MFHAS1: variants seen among roughly 807,000 people sequenced by gnomAD.
MFHAS1 encodes the protein multifunctional ROCO family signaling regulator 1.
MFHAS1 carries 50 observed loss-of-function variants against 70.4 expected under a neutral mutation model. The observed-to-expected ratio is 0.71, with a 90% confidence interval of 0.57 to 0.90. The LOEUF (loss-of-function observed/expected upper bound fraction) is 0.90. MFHAS1 is among the 40% of genes least tolerant of loss of function. The pLI, the probability that MFHAS1 is intolerant of heterozygous loss-of-function variation, is 0.00. For missense variants in MFHAS1, 1,795 were observed against 1,347.6 expected (o/e 1.33, Z -5.20); for synonymous variants, 952 against 620.0 (o/e 1.54, Z -7.96).
chr8:8,803,253 G>A (rs147808075), intron 1 of MFHAS1, among the ~76,000 whole-genome samples: 1 of 152,116 alleles, frequency 6.6e-6, no homozygotes, highest in Admixed American at 6.5e-5. Context: ...GCTCATGCCT[G>A]TAATACCAGC....
At chr8:8,888,000 C>T (rs1809837276) in intron 1 of MFHAS1, among the ~76,000 whole-genome samples, 1 of 152,072 alleles carries the variant, frequency 6.6e-6, no homozygotes, top group Non-Finnish European at 1.5e-5. Context: ...AGAATGGCTT[C>T]AGGTTGCTCC....
At chr8:8,829,247 G>A (rs537659981) in intron 1 of MFHAS1, among the ~76,000 whole-genome samples, 20 of 152,292 alleles carry the variant, frequency 1.3e-4, no homozygotes, top group Middle Eastern at 3.4e-3. Context: ...AACTCAGTAT[G>A]TGTACCGGGC....
rs117436483 is a variant in MFHAS1 at position 8,790,875 on chromosome 8, G to A, written c.3126-4820C>T. ...GTCTTAAATGTCTTTATGTCAAAAC[G>A]ATGTTACTGCCAAAATTCCTGTGCA... On this transcript the variant is annotated intron_variant, in intron 2 of 2. Transcript: ENST00000276282. 8.6e-3 allele frequency among the ~76,000 whole-genome samples: 1,304 copies of A among 152,262 alleles called. 7 individuals are homozygous for A. Among genetic ancestry groups the A allele is most frequent in the South Asian group, 0.015 (70 of 4,826 alleles).
At chr8:8,882,445 C>T (rs987719836) in intron 1 of MFHAS1, among the ~76,000 whole-genome samples, 1 of 151,562 alleles carries the variant, frequency 6.6e-6, no homozygotes, top group South Asian at 2.1e-4. Flanking sequence ...AAAGCACTTG[C>T]CAGGCATCAA....
rs10660555 is a variant in MFHAS1, at chr8:8,884,041, AACACAC to A, written c.2998+6014_2998+6019del. The stretch of plus-strand genomic sequence containing the variant: ...AAAAAGGCCCTATCTCTATTTCACA[AACACAC>A]ACACACACACACACACACACACACA... On this transcript the variant is annotated intron_variant, in intron 1 of 2. Coordinates refer to ENST00000276282, the MANE Select transcript of MFHAS1 (RefSeq NM_004225.3). Among the ~76,000 whole-genome samples, 118 of 134,170 alleles carry A rather than the reference AACACAC, an allele frequency of 8.8e-4. 1 individual carries two copies. Among genetic ancestry groups the A allele is most frequent in the South Asian group, 5.4e-3 (21 of 3,868 alleles). 88.0% of individuals were successfully genotyped at this position (134,170 alleles called of 152,430 possible).
Position 8,892,004 on chromosome 8 carries a change from T to C in MFHAS1, c.1055A>G (p.Asn352Ser). ...GTGGTCGGGCAGCACCGCGATCTGG[T>C]TCCCCTGCAGCACGAGCTCCTCCAG... ...TGLEELVLQG[N>S]QIAVLPDHFG... The change falls in exon 1 of 3, where the codon AAC (asparagine) becomes AGC (serine). Residue 352 changes from asparagine (N) to serine (S), a missense_variant. Coordinates refer to ENST00000276282, the MANE Select transcript of MFHAS1 (RefSeq NM_004225.3). The surrounding 1 kb of genome is among the most constrained non-coding windows in gnomAD (Gnocchi z 4.7). The C allele has an allele frequency of 6.2e-7, 1 of 1,613,472 alleles. No individual in the cohort carries two copies. The highest frequency in any genetic ancestry group is 8.5e-7 in the Non-Finnish European group (1 of 1,179,964).
intron 1 of MFHAS1, among the ~76,000 whole-genome samples, chr8:8,884,013 C>T (rs1809645119): frequency 6.9e-6 from 1 of 145,040 alleles, no homozygotes; most frequent in Non-Finnish European, 1.5e-5. Flanking sequence ...GCTTGGGCAA[C>T]ATAAAAAGGC....
chr8:8,854,299 A>C (rs1808350662), intron 1 of MFHAS1, among the ~76,000 whole-genome samples: 1 of 152,022 alleles, frequency 6.6e-6, no homozygotes, highest in South Asian at 2.1e-4. Flanking sequence ...TTGGGAGGTC[A>C]AGAAGAGGTC....
intron 1 of MFHAS1, among the ~76,000 whole-genome samples, chr8:8,884,442 G>A (rs1809671197): frequency 1.3e-5 from 2 of 152,164 alleles, no homozygotes; most frequent in East Asian, 1.9e-4. Flanking sequence ...ACTAGGTCAT[G>A]CTCAAATTCC....
At position 8,785,027 on chromosome 8, in the gene MFHAS1, C is replaced by A. The variant is rs779098558; in HGVS notation, c.*995G>T. 2.0e-5 allele frequency: 3 copies of A among 152,118 alleles called. No individual in the cohort carries two copies. The highest frequency in any genetic ancestry group is 2.9e-5 in the Non-Finnish European group (2 of 68,024). 9.4% of individuals were successfully genotyped at this position (152,118 alleles called of 1,614,324 possible). On this transcript the variant is annotated 3_prime_UTR_variant, in exon 3 of 3. Coordinates refer to ENST00000276282, the MANE Select transcript of MFHAS1 (RefSeq NM_004225.3). ...CTGACAGCCAGATGTGGAAGGTCTA[C>A]AAAGAGCTCTGCTAATAAGTAATAT...
At chr8:8,888,432 C>A (rs1809853785) in intron 1 of MFHAS1, among the ~76,000 whole-genome samples, 1 of 151,988 alleles carries the variant, frequency 6.6e-6, no homozygotes, top group South Asian at 2.1e-4. Context: ...GAGAAACGTG[C>A]AAGGATGCTA....
At chr8:8,789,201 T>C (rs1166786072) in intron 2 of MFHAS1, among the ~76,000 whole-genome samples, 2 of 152,164 alleles carry the variant, frequency 1.3e-5, no homozygotes, top group South Asian at 2.1e-4. Context: ...AATTCATTCA[T>C]GTCACGACAC....
chr8:8,810,583 C>G (rs976010565), intron 1 of MFHAS1, among the ~76,000 whole-genome samples: 3 of 152,176 alleles, frequency 2.0e-5, no homozygotes, highest in Non-Finnish European at 4.4e-5. Context: ...AATACATTTT[C>G]TCTTCCTATG....
intron 2 of MFHAS1, among the ~76,000 whole-genome samples, chr8:8,796,349 C>T (rs1009545238): frequency 6.6e-6 from 1 of 152,184 alleles, no homozygotes; most frequent in Admixed American, 6.5e-5. Context: ...TGGGCCTGCG[C>T]TGGTTTTTGA....
chr8:8,857,860 G>C (rs971224740), intron 1 of MFHAS1, among the ~76,000 whole-genome samples: 1 of 152,104 alleles, frequency 6.6e-6, no homozygotes, highest in East Asian at 1.9e-4. Context: ...CCTAAAGCAA[G>C]TTTCCCTGTA....
intron 2 of MFHAS1, among the ~76,000 whole-genome samples, chr8:8,789,120 C>CG (rs1181594751): frequency 6.8e-6 from 1 of 148,140 alleles, no homozygotes; most frequent in Non-Finnish European, 1.5e-5. Flanking sequence ...TTGGCAGAGA[C>CG]GGGGGAAGTG....
intron 2 of MFHAS1, among the ~76,000 whole-genome samples, chr8:8,790,929 TACAAAC>T (rs1805698968): frequency 6.6e-6 from 1 of 152,192 alleles, no homozygotes; most frequent in Admixed American, 6.5e-5. Context: ...TGAGAATACT[TACAAAC>T]AGCTAGCAAG....
At chr8:8,788,183 T>C (rs1805616123) in intron 2 of MFHAS1, among the ~76,000 whole-genome samples, 1 of 152,218 alleles carries the variant, frequency 6.6e-6, no homozygotes, top group Admixed American at 6.5e-5. Context: ...ATTCCTATCT[T>C]CTCCAAAGAG....
intron 1 of MFHAS1, among the ~76,000 whole-genome samples, chr8:8,838,966 C>A (rs181160415): frequency 6.6e-6 from 1 of 152,138 alleles, no homozygotes; most frequent in African/African-American, 2.4e-5. Context: ...TGCAGGGTCT[C>A]TTTGCTCCAC....
Sources: gnomAD v4.1 joint callset for allele counts (sites outside exome capture counted in the v4.1 genomes callset) on GRCh38, gnomAD v4.1.1 for gene constraint, Gnocchi (gnomAD v3.1) non-coding constraint, MANE v1.5 for transcripts, NCBI Gene and HGNC (gene_info 2026-07-23, HGNC 2026-07-21) for gene names.